Variants in TBC1D2 observed in about 807,000 individuals in gnomAD.
TBC1D2 encodes the protein TBC1 domain family member 2A.
In TBC1D2, 58 loss-of-function variants were observed where a neutral mutation model predicts 91.1. The ratio of observed to expected loss-of-function variants is 0.64; its 90% CI spans 0.52 to 0.79. The LOEUF (loss-of-function observed/expected upper bound fraction) is 0.79. TBC1D2 is among the 30% of genes least tolerant of loss of function. The pLI is 0.00. For synonymous variants in TBC1D2, 482 were observed against 511.5 expected, an observed-to-expected ratio of 0.94 and a Z score of 0.78; for missense variants, 1,080 against 1,208.3, an observed-to-expected ratio of 0.89 and a Z score of 1.57.
chr9:98,217,340 A>G lies in TBC1D2; in HGVS notation c.1374+3493T>C, dbSNP rs145786694. Among the ~76,000 whole-genome samples the G allele has an allele frequency of 1.9e-3, 288 of 152,376 alleles. 2 individuals are homozygous for G. The highest frequency in any genetic ancestry group is 6.6e-3 in the African/African-American group (276 of 41,600). On this transcript the variant is annotated intron_variant, in intron 6 of 12. Coordinates refer to ENST00000465784, the MANE Select transcript of TBC1D2 (RefSeq NM_001267571.2). ...TCTCTTTGGGCCATGCCCATGGACT[A>G]GGCCCTGTGCTGTGTGGAAGGCAGT...
chr9:98,222,168 C>T (rs1184866451), intron 5 of TBC1D2, among the ~76,000 whole-genome samples: 1 of 152,198 alleles, frequency 6.6e-6, no homozygotes, highest in African/African-American at 2.4e-5. Context: ...TGCTCAGTAA[C>T]TAAGAAAACC....
Position 98,238,596 on chromosome 9 carries a change from G to A in TBC1D2, c.648-5047C>T, listed in dbSNP as rs189460236. Among the ~76,000 whole-genome samples, 38 of 137,038 alleles carry A rather than the reference G, an allele frequency of 2.8e-4. 12 individuals are homozygous for A. Among genetic ancestry groups the A allele is most frequent in the African/African-American group, 1.3e-3 (37 of 27,560 alleles). 89.9% of individuals were successfully genotyped at this position (137,038 alleles called of 152,430 possible). On this transcript the variant is annotated intron_variant, in intron 3 of 12. Coordinates refer to ENST00000465784, the MANE Select transcript of TBC1D2 (RefSeq NM_001267571.2). ...TTCATGTTCTTGCCTAATTGGCCTG[G>A]CTAAAGCCTCCAGAACAATGTTGAA... is the stretch of plus-strand genomic sequence containing the variant.
chr9:98,250,217 C>A (rs905459917), intron 2 of TBC1D2, among the ~76,000 whole-genome samples: 8 of 152,114 alleles, frequency 5.3e-5, no homozygotes, highest in Non-Finnish European at 1.2e-4. Context: ...AGAGACTCTG[C>A]CGAAGCATCA....
At chr9:98,251,110 C>T (rs985012744) in intron 2 of TBC1D2, among the ~76,000 whole-genome samples, 10 of 152,042 alleles carry the variant, frequency 6.6e-5, no homozygotes, top group African/African-American at 2.4e-4. Context: ...GATGGTGAAA[C>T]CCCATCTCTA....
Position 98,210,751 on chromosome 9 carries a change from G to T in TBC1D2, c.1578C>A (p.Ser526Arg), listed in dbSNP as rs760394702. The change falls in exon 8 of 13, where the codon AGC becomes AGA. Residue 526 changes from serine (S) to arginine (R), a missense_variant. By Grantham distance (110) the Ser-to-Arg change is moderately radical. Coordinates refer to ENST00000465784, the MANE Select transcript of TBC1D2 (RefSeq NM_001267571.2). ...GCTGCCTCAGCAGCTCTGAGCACTC[G>T]CTGGCTTCGTCCCCCAGGGCCTCCT... ...RLQEALGDEA[S>R]ECSELLRQLV... The T allele has an allele frequency of 2.4e-5, 38 of 1,573,738 alleles. No individual in the cohort carries two copies. The highest frequency in any genetic ancestry group is 3.2e-5 in the Non-Finnish European group (37 of 1,159,480).
chr9:98,244,624 A>G (rs1829724420), intron 2 of TBC1D2, among the ~76,000 whole-genome samples: 1 of 132,248 alleles, frequency 7.6e-6, no homozygotes, highest in Non-Finnish European at 1.5e-5. Flanking sequence ...GCGCCATTGC[A>G]CTCCAGCCTG....
At chr9:98,230,557 G>A (rs1043902954) in intron 4 of TBC1D2, among the ~76,000 whole-genome samples, 1 of 152,188 alleles carries the variant, frequency 6.6e-6, no homozygotes, top group Non-Finnish European at 1.5e-5. Context: ...CATGAGACCA[G>A]GCCAAGGGCT....
intron 3 of TBC1D2, among the ~76,000 whole-genome samples, chr9:98,242,801 G>C (rs1829674243): frequency 2.0e-5 from 2 of 101,834 alleles, no homozygotes; most frequent in South Asian, 5.2e-4. Context: ...CCACACTGCT[G>C]CCTTTTTTTT....
intron 6 of TBC1D2, among the ~76,000 whole-genome samples, chr9:98,215,987 T>C (rs1588039851): frequency 6.6e-6 from 1 of 152,262 alleles, no homozygotes; most frequent in East Asian, 1.9e-4. Context: ...CATCAGACAG[T>C]ATAACAACAC....
chr9:98,202,590 T>C (rs923327552), intron 10 of TBC1D2, among the ~76,000 whole-genome samples: 1 of 152,200 alleles, frequency 6.6e-6, no homozygotes, highest in Non-Finnish European at 1.5e-5. Context: ...GATGAACTGA[T>C]ACAATGCCAG....
At chr9:98,234,202 G>A (rs1811483542) in intron 3 of TBC1D2, among the ~76,000 whole-genome samples, 1 of 152,124 alleles carries the variant, frequency 6.6e-6, no homozygotes, top group Admixed American at 6.5e-5. Context: ...GCCTCATGAT[G>A]TCATTTCTTT....
At chr9:98,229,258 C>T (rs1829311720) in intron 4 of TBC1D2, 110 bp from the exon 5 acceptor site, 3 of 1,040,040 alleles carry the variant, frequency 2.9e-6, no homozygotes, top group Non-Finnish European at 4.2e-6. Flanking sequence ...GATGGTTGGG[C>T]CCTAATTTCG....
chr9:98,217,105 A>G (rs1045265440), intron 6 of TBC1D2, among the ~76,000 whole-genome samples: 1 of 152,240 alleles, frequency 6.6e-6, no homozygotes, highest in Non-Finnish European at 1.5e-5. Flanking sequence ...CAGAGTGAGC[A>G]CAGCCTGGAA....
chr9:98,204,335 T>C (rs1453249881), intron 9 of TBC1D2, among the ~76,000 whole-genome samples: 1 of 152,214 alleles, frequency 6.6e-6, no homozygotes, highest in Non-Finnish European at 1.5e-5. Flanking sequence ...GTAAAGCCTC[T>C]GAGAAGTCCT....
At position 98,213,150 on chromosome 9, in the gene TBC1D2, G is replaced by A. The variant is rs540035964; in HGVS notation, c.1443C>T (p.Ile481=). 220 of 1,614,212 alleles carry A rather than the reference G, an allele frequency of 1.4e-4. 2 individuals are homozygous for A. In the South Asian group the frequency reaches 2.2e-3, roughly 16 times the overall value. ...LNSEIHQVTK[I]WRKVAEKEKA... ...TCTCCTTCTCAGCCACCTTTCTCCA[G>A]ATCTTTGTGACCTGGTGGATCTCGG... The change falls in exon 7 of 13, where the codon ATC becomes ATT. Residue 481 remains isoleucine (I), a synonymous_variant. Coordinates refer to ENST00000465784, the MANE Select transcript of TBC1D2 (RefSeq NM_001267571.2).
chr9:98,209,904 T>C (rs1022106341), intron 8 of TBC1D2, among the ~76,000 whole-genome samples: 10 of 151,534 alleles, frequency 6.6e-5, no homozygotes, highest in East Asian at 1.9e-4. Flanking sequence ...TCTCAGCTCA[T>C]TGCAGCTTCT....
chr9:98,199,825 T>C (rs1564227846), intron 12 of TBC1D2, among the ~76,000 whole-genome samples: 1 of 152,138 alleles, frequency 6.6e-6, no homozygotes, highest in Non-Finnish European at 1.5e-5. Context: ...CAGGGAAGGC[T>C]TCTTGGAGGA....
intron 3 of TBC1D2, 68 bp from the exon 4 acceptor site, chr9:98,233,617 C>A: frequency 6.3e-7 from 1 of 1,579,216 alleles, no homozygotes; most frequent in Non-Finnish European, 8.6e-7. Context: ...GTCCTTCCCG[C>A]CACCACTGCT....
rs1828424228 is a variant in TBC1D2 at position 98,199,485 on chromosome 9, C to G, written c.2683G>C (p.Glu895Gln). 2 of 1,614,160 alleles carry G rather than the reference C, an allele frequency of 1.2e-6. No individual in the cohort carries two copies. Among genetic ancestry groups the G allele is most frequent in the Non-Finnish European group, 1.7e-6 (2 of 1,180,054 alleles). Residue 895 changes from glutamate (E) to glutamine (Q), a missense_variant, in exon 13 of 13, where the codon GAG (glutamate) becomes CAG (glutamine). Physicochemically the swap from Glu to Gln is conservative, Grantham distance 29 (BLOSUM62 2). Coordinates refer to ENST00000465784, the MANE Select transcript of TBC1D2 (RefSeq NM_001267571.2). ...TACTCTGCCTTAAGCTGCTCCAGCT[C>G]CCGCAGCTCAGCCTCCAGCCGCTCC... is the stretch of plus-strand genomic sequence containing the variant. The part of the protein sequence containing the change: ...HRERLEAELR[E>Q]LEQLKAEYLE...
Sources: allele counts gnomAD v4.1 joint callset (sites outside exome capture counted in the v4.1 genomes callset), GRCh38; gene constraint gnomAD v4.1.1; transcripts MANE v1.5; gene names NCBI Gene and HGNC (gene_info 2026-07-23, HGNC 2026-07-21).